Variants in TCERG1L observed in about 807,000 individuals in gnomAD.
TCERG1L encodes the protein transcription elongation regulator 1 like, also known as transcription elongation regulator 1-like protein.
A neutral mutation model predicts 56.3 loss-of-function variants in TCERG1L; 37 were observed. The ratio of observed to expected loss-of-function variants is 0.66; its 90% confidence interval spans 0.51 to 0.87. The LOEUF is 0.87. Among genes scored for constraint, TCERG1L ranks in the 40% least tolerant of loss-of-function variants. TCERG1L has a pLI of 0.00. For synonymous variants in TCERG1L, 324 were observed against 326.3 expected (o/e 0.99, Z 0.08); for missense variants, 799 against 774.2 (o/e 1.03, Z -0.38).
intron 4 of TCERG1L, among the ~76,000 whole-genome samples, chr10:131,240,534 A>G (rs1051787864): frequency 1.6e-5 from 2 of 121,728 alleles, no homozygotes; most frequent in Non-Finnish European, 3.5e-5. Context: ...CTGAGGAACT[A>G]ATGAATGAGT....
chr10:131,177,732 G>T (rs565421584), intron 4 of TCERG1L, among the ~76,000 whole-genome samples: 1 of 152,242 alleles, frequency 6.6e-6, no homozygotes, highest in Non-Finnish European at 1.5e-5. Flanking sequence ...GCACAGAGCA[G>T]CAGGCTCTGG....
At chr10:131,256,980 GGAAGGAAGGAAGGAAA>G (rs1224949880) in intron 4 of TCERG1L, among the ~76,000 whole-genome samples, 34 of 75,690 alleles carry the variant, frequency 4.5e-4, no homozygotes, top group Non-Finnish European at 5.8e-4. Flanking sequence ...AAGGAAGGAA[GGAAGGAAGGAAGGAAA>G]GAAAGAAAGA....
At chr10:131,093,440 CAGGG>C in intron 11 of TCERG1L, 122 bp from the exon 12 acceptor site, 3 of 1,226,364 alleles carry the variant, frequency 2.4e-6, no homozygotes, top group Non-Finnish European at 3.4e-6. Flanking sequence ...CCGTGGGTGG[CAGGG>C]CACCCGGTGG....
At chr10:131,093,365 G>C in intron 11 of TCERG1L, 47 bp from the exon 12 acceptor site, 1 of 1,601,750 alleles carries the variant, frequency 6.2e-7, no homozygotes, top group Non-Finnish European at 8.5e-7. Flanking sequence ...GAGCAACTCT[G>C]GCCTCCCCAG....
rs547954403 is a variant in TCERG1L at position 131,139,213 on chromosome 10, G to T, written c.1190-4765C>A. 3.9e-5 allele frequency among the ~76,000 whole-genome samples: 6 copies of T among 152,360 alleles called. No individual in the cohort carries two copies. In the South Asian group the frequency reaches 1.0e-3, roughly 26 times the overall value. ...TACCTGCCCAAAATCGAAAATGCAC[G>T]TACCTTTTGAGCCAACAATTCTAAT... On this transcript the variant is annotated intron_variant, in intron 7 of 11. Coordinates refer to ENST00000368642, the MANE Select transcript of TCERG1L (RefSeq NM_174937.4).
chr10:131,134,091 C>T (rs2133404075), intron 8 of TCERG1L, among the ~76,000 whole-genome samples: 1 of 152,270 alleles, frequency 6.6e-6, no homozygotes, highest in South Asian at 2.1e-4. Flanking sequence ...CATGACCACT[C>T]CTACAGGACT....
At chr10:131,243,564 T>A (rs143929613) in intron 4 of TCERG1L, among the ~76,000 whole-genome samples, 1 of 152,250 alleles carries the variant, frequency 6.6e-6, no homozygotes, top group South Asian at 2.1e-4. Flanking sequence ...AGAGTGAGAC[T>A]CTGTCTCAAA....
Position 131,244,970 on chromosome 10 carries a change from T to C in TCERG1L, c.856+15289A>G, listed in dbSNP as rs539447128. 1.1e-4 allele frequency among the ~76,000 whole-genome samples: 17 copies of C among 152,240 alleles called. 1 individual carries two copies. Among genetic ancestry groups the C allele is most frequent in the African/African-American group, 4.1e-4 (17 of 41,548 alleles). On this transcript the variant is annotated intron_variant, in intron 4 of 11. Coordinates refer to ENST00000368642, the MANE Select transcript of TCERG1L (RefSeq NM_174937.4). ...GGGAACAGGAAGAGCATCAGTAACA[T>C]AGGCAGATGCTGCAGGGGGACTGGG...
At chr10:131,273,893 G>C (rs1271842979) in intron 3 of TCERG1L, among the ~76,000 whole-genome samples, 2 of 152,248 alleles carry the variant, frequency 1.3e-5, no homozygotes, top group African/African-American at 4.8e-5. Flanking sequence ...CAAAGTGAAA[G>C]TCAGGAGTGA....
chr10:131,137,184 TG>T (rs1245852929), intron 7 of TCERG1L, among the ~76,000 whole-genome samples: 1 of 151,894 alleles, frequency 6.6e-6, no homozygotes, highest in African/African-American at 2.4e-5. Flanking sequence ...GAGGGCACCC[TG>T]GGCACCCTGC....
intron 3 of TCERG1L, among the ~76,000 whole-genome samples, chr10:131,279,149 G>A (rs979789072): frequency 6.6e-6 from 1 of 152,166 alleles, no homozygotes; most frequent in Non-Finnish European, 1.5e-5. Flanking sequence ...CCCTAGATTA[G>A]ATGAGATGAC....
rs1175069513 is a variant in TCERG1L at position 131,131,962 on chromosome 10, G to A, written c.1259+2417C>T. Among the ~76,000 whole-genome samples, 3 of 152,230 alleles carry A rather than the reference G, an allele frequency of 2.0e-5. No homozygotes were observed. The East Asian group carries it at 5.8e-4, about 29-fold the overall frequency. ...TAGAAATACATAAAAGCAGCTAGGA[G>A]CTTGAGGAGTACATGGACTTATTGA... On this transcript the variant is annotated intron_variant, in intron 8 of 11. Coordinates refer to ENST00000368642, the MANE Select transcript of TCERG1L (RefSeq NM_174937.4).
At chr10:131,122,486 C>T (rs1845523417) in intron 8 of TCERG1L, among the ~76,000 whole-genome samples, 1 of 152,102 alleles carries the variant, frequency 6.6e-6, no homozygotes, top group Non-Finnish European at 1.5e-5. Flanking sequence ...CCAATAAAAC[C>T]CTTGAACAGT....
At chr10:131,217,188 A>T (rs923846176) in intron 4 of TCERG1L, among the ~76,000 whole-genome samples, 2 of 152,000 alleles carry the variant, frequency 1.3e-5, no homozygotes, top group African/African-American at 4.8e-5. Flanking sequence ...TTCCTGCTTG[A>T]TGCTATTCTC....
chr10:131,293,827 G>C (rs1055186287), intron 3 of TCERG1L, among the ~76,000 whole-genome samples: 1 of 152,134 alleles, frequency 6.6e-6, no homozygotes, highest in Non-Finnish European at 1.5e-5. Context: ...AAGCACTTCA[G>C]GTTGGGTAAT....
intron 9 of TCERG1L, among the ~76,000 whole-genome samples, chr10:131,108,576 G>A (rs1046811559): frequency 6.6e-6 from 1 of 152,194 alleles, no homozygotes; most frequent in Non-Finnish European, 1.5e-5. Context: ...CGGCTGACCA[G>A]TGCCCAGTGA....
intron 3 of TCERG1L, among the ~76,000 whole-genome samples, chr10:131,307,026 C>T (rs1304126111): frequency 2.0e-5 from 3 of 152,124 alleles, no homozygotes; most frequent in Non-Finnish European, 4.4e-5. Context: ...ATTGCCAGTG[C>T]GTTAGGAAAT....
chr10:131,106,825 A>G lies in TCERG1L; in HGVS notation c.1396-2471T>C, dbSNP rs562207486. Among the ~76,000 whole-genome samples, 11 of 152,298 alleles carry G rather than the reference A, an allele frequency of 7.2e-5. No homozygotes were observed. In the South Asian group the frequency reaches 8.3e-4, roughly 11 times the overall value. On this transcript the variant is annotated intron_variant, in intron 9 of 11. Transcript: ENST00000368642. The stretch of plus-strand genomic sequence containing the variant: ...TTCAATAAACACATGCTTTATTTGT[A>G]TATTATAAGAGATGAATTTTCTTCA...
At chr10:131,162,821 A>C (rs1845991949) in intron 6 of TCERG1L, 1 of 259,788 alleles carries the variant, frequency 3.8e-6, no homozygotes, top group Admixed American at 5.3e-5. Flanking sequence ...CTTTTGAAGC[A>C]TAAGGCATGC....
Sources: allele counts gnomAD v4.1 joint callset (sites outside exome capture counted in the v4.1 genomes callset), GRCh38; gene constraint gnomAD v4.1.1; transcripts MANE v1.5; gene names NCBI Gene and HGNC (gene_info 2026-07-23, HGNC 2026-07-21).